Variants in ERBB4 observed in about 807,000 individuals in gnomAD.
ERBB4 encodes receptor tyrosine-protein kinase erbB-4.
In ERBB4, 42 loss-of-function variants were observed where a neutral mutation model predicts 158.0. The ratio of observed to expected loss-of-function variants is 0.27; its 90% CI spans 0.21 to 0.34. ERBB4 has a LOEUF of 0.34. ERBB4 is among the 10% of genes least tolerant of loss of function. The probability of loss-of-function intolerance (pLI) is 1.00; values close to 1 mark genes in which losing one functional copy is unlikely to be tolerated. For missense variants in ERBB4, 1,333 were observed against 1,624.1 expected (o/e 0.82, Z 3.08); for synonymous variants, 583 against 558.7 (o/e 1.04, Z -0.61).
Position 212,286,598 on chromosome 2 carries a change from T to TTTTTTTTTGTTTTG in ERBB4, c.83-161696_83-161695insCAAAACAAAAAAAA, listed in dbSNP as rs2085975341. ...AGATGATTACATAAGTGCTGACTTT[T>TTTTTTTTTGTTTTG]TTTTTTTTTTTTTTTTTTTTTTGAC... On this transcript the variant is annotated intron_variant, in intron 1 of 27. Transcript: ENST00000342788. Among the ~76,000 whole-genome samples the TTTTTTTTTGTTTTG allele has an allele frequency of 2.7e-5, 2 of 74,394 alleles. 1 individual carries two copies. The highest frequency in any genetic ancestry group is 5.1e-5 in the Non-Finnish European group (2 of 39,300). The allele number at this position is 74,394 out of a possible 152,430, so 48.8% of individuals were successfully genotyped here.
chr2:211,745,734 AC>A (rs1174156324), intron 5 of ERBB4, among the ~76,000 whole-genome samples: 19 of 93,632 alleles, frequency 2.0e-4, no homozygotes, highest in African/African-American at 3.8e-4. Context: ...CAAAAACAAA[AC>A]AAAAAAAACC....
intron 20 of ERBB4, among the ~76,000 whole-genome samples, chr2:211,482,123 T>C (rs190802614): frequency 1.2e-3 from 190 of 152,232 alleles, no homozygotes; most frequent in African/African-American, 4.5e-3. Context: ...AGACATAGAA[T>C]AGGGAACTGT....
chr2:212,344,526 G>GTA lies in ERBB4; in HGVS notation c.82+193921_82+193922dup, dbSNP rs1217936156. Among the ~76,000 whole-genome samples, 10 of 151,974 alleles carry GTA rather than the reference G, an allele frequency of 6.6e-5. No individual in the cohort carries two copies. The East Asian group carries it at 9.7e-4, about 15-fold the overall frequency. ...TGTGTGTGCATATATATGTATGTGTGTATATATATACACACACATAGCGAA... is the reference window on the plus strand; with the variant it reads ...TGTGTGTGCATATATATGTATGTGTGTATATATATATACACACACATAGCGAA... On this transcript the variant is annotated intron_variant, in intron 1 of 27. Transcript: ENST00000342788.
chr2:211,954,780 C>T (rs2080982765), intron 2 of ERBB4, among the ~76,000 whole-genome samples: 1 of 152,000 alleles, frequency 6.6e-6, no homozygotes, highest in South Asian at 2.1e-4. Flanking sequence ...TTAAATTTCC[C>T]TAGGCAATTA....
rs10593679 is a variant in ERBB4, at chr2:211,442,387, T to TATCC, written c.2488-11291_2488-11288dup. ...CCAACTTTATCTATAGACAGGTATC[T>TATCC]ATCCATCCATCCATCCATCCATCCA... On this transcript the variant is annotated intron_variant, in intron 20 of 27. Coordinates refer to ENST00000342788, the MANE Select transcript of ERBB4 (RefSeq NM_005235.3). 9.9e-5 allele frequency among the ~76,000 whole-genome samples: 15 copies of TATCC among 151,056 alleles called. No homozygotes were observed. The East Asian group carries it at 1.2e-3, about 12-fold the overall frequency.
At chr2:211,415,013 T>C (rs906459773) in intron 25 of ERBB4, among the ~76,000 whole-genome samples, 5 of 151,452 alleles carry the variant, frequency 3.3e-5, no homozygotes, top group African/African-American at 9.7e-5. Flanking sequence ...TTAGCTGATA[T>C]TATTATTATT....
At position 211,722,432 on chromosome 2, in the gene ERBB4, T is replaced by C; in HGVS notation, c.844A>G (p.Lys282Glu). The C allele has an allele frequency of 1.9e-6, 3 of 1,613,932 alleles. No individual in the cohort carries two copies. Among genetic ancestry groups the C allele is most frequent in the Non-Finnish European group, 1.7e-6 (2 of 1,179,796 alleles). Residue 282 changes from lysine to glutamate, a missense_variant, in exon 7 of 28, where the codon AAG becomes GAG. Lys to Glu is a moderately conservative substitution (Grantham distance 56, BLOSUM62 1). Around this residue, in one of 5 missense-constraint regions of ERBB4, gnomAD observed 438 missense variants for 586.9 expected, o/e 0.75. Coordinates refer to ENST00000342788, the MANE Select transcript of ERBB4 (RefSeq NM_005235.3). ...TFQLEHNFNA[K>E]YTYGAFCVKK... The stretch of plus-strand genomic sequence containing the variant: ...ACACAGAATGCTCCATATGTGTACT[T>C]TGCATTGAAATTGTGCTCCAGTTGA...
At chr2:211,593,341 G>A (rs1312990694) in intron 19 of ERBB4, among the ~76,000 whole-genome samples, 11 of 152,298 alleles carry the variant, frequency 7.2e-5, no homozygotes, top group African/African-American at 1.9e-4. Context: ...TTAACAGAAA[G>A]TGGAAACGTT....
chr2:212,455,053 C>T (rs951970317), intron 1 of ERBB4, among the ~76,000 whole-genome samples: 7 of 152,032 alleles, frequency 4.6e-5, no homozygotes, highest in African/African-American at 1.4e-4. Flanking sequence ...TCAAATAGGT[C>T]GTGAGAAATT....
chr2:212,200,768 T>A (rs1488264703), intron 1 of ERBB4, among the ~76,000 whole-genome samples: 1 of 152,172 alleles, frequency 6.6e-6, no homozygotes, highest in Non-Finnish European at 1.5e-5. Context: ...TCACATTTCC[T>A]CCATAGGAAA....
intron 5 of ERBB4, among the ~76,000 whole-genome samples, chr2:211,739,129 A>G (rs1435165261): frequency 6.6e-6 from 1 of 152,112 alleles, no homozygotes; most frequent in African/African-American, 2.4e-5. Context: ...TATATAGTCT[A>G]TCCTATGCTC....
intron 3 of ERBB4, among the ~76,000 whole-genome samples, chr2:211,805,974 GAAAT>G (rs553985374): frequency 2.6e-5 from 4 of 151,630 alleles, no homozygotes; most frequent in Non-Finnish European, 5.9e-5. Flanking sequence ...AAAAATAAAA[GAAAT>G]AAAGGATACA....
At chr2:212,259,535 A>G (rs186860928) in intron 1 of ERBB4, among the ~76,000 whole-genome samples, 226 of 152,350 alleles carry the variant, frequency 1.5e-3, no homozygotes, top group Non-Finnish European at 2.1e-3. Context: ...ATGATACAAT[A>G]TATATTATAA....
intron 3 of ERBB4, among the ~76,000 whole-genome samples, chr2:211,837,697 C>T (rs1004760940): frequency 5.9e-5 from 9 of 152,006 alleles, no homozygotes; most frequent in African/African-American, 1.9e-4. Flanking sequence ...AAATACTAAT[C>T]GAGTTTGTGT....
intron 1 of ERBB4, among the ~76,000 whole-genome samples, chr2:212,229,409 C>T (rs1289641538): frequency 1.3e-5 from 2 of 152,092 alleles, no homozygotes; most frequent in African/African-American, 4.8e-5. Flanking sequence ...TAGAAGGAAA[C>T]ATATATGCAA....
chr2:211,740,116 G>T (rs1331350717), intron 5 of ERBB4, among the ~76,000 whole-genome samples: 1 of 152,038 alleles, frequency 6.6e-6, no homozygotes, highest in Non-Finnish European at 1.5e-5. Context: ...TAATTATCCT[G>T]TGTGACAGTT....
intron 1 of ERBB4, among the ~76,000 whole-genome samples, chr2:212,243,084 T>A (rs1333068296): frequency 2.0e-5 from 3 of 152,212 alleles, no homozygotes; most frequent in African/African-American, 7.2e-5. Context: ...TTGACATCAA[T>A]CTGTTATGCC....
chr2:211,644,231 G>A (rs1316957412), intron 16 of ERBB4, among the ~76,000 whole-genome samples: 2 of 151,924 alleles, frequency 1.3e-5, no homozygotes, highest in African/African-American at 2.4e-5. Flanking sequence ...TATTCTAAGA[G>A]GAGGTTTATT....
rs540261173 is a variant in ERBB4 at position 211,430,320 on chromosome 2, C to T, written c.2643+625G>A. On this transcript the variant is annotated intron_variant, in intron 21 of 27. Transcript: ENST00000342788. ...AGGGACCTCCATATGAAGTCTAGTC[C>T]TAATAGTTTGGCCAAGAAAGTCAAG... Among the ~76,000 whole-genome samples, 204 of 151,934 alleles carry T rather than the reference C, an allele frequency of 1.3e-3. 1 individual carries two copies. The highest frequency in any genetic ancestry group is 1.8e-3 in the Non-Finnish European group (124 of 67,974).
Sources: gnomAD v4.1 joint callset for allele counts (sites outside exome capture counted in the v4.1 genomes callset) on GRCh38, gnomAD v4.1.1 for gene constraint, gnomAD v4.1.1 regional missense constraint, MANE v1.5 for transcripts, NCBI Gene and HGNC (gene_info 2026-07-23, HGNC 2026-07-21) for gene names.